DIPK1A: variants seen among roughly 807,000 people sequenced by gnomAD.
DIPK1A encodes family with sequence similarity 69 member A.
Under a neutral mutation model 40.8 loss-of-function variants are expected in DIPK1A, and 27 were observed. The ratio of observed to expected loss-of-function variants is 0.66; its 90% CI spans 0.49 to 0.91. The LOEUF (loss-of-function observed/expected upper bound fraction) is 0.91, where lower values mean the gene tolerates loss of function less well. Among genes scored for constraint, DIPK1A ranks in the 40% least tolerant of loss-of-function variants. The pLI is 0.00. For synonymous variants in DIPK1A, 166 were observed against 171.3 expected, an observed-to-expected ratio of 0.97 and a Z score of 0.24; for missense variants, 412 against 505.7, an observed-to-expected ratio of 0.81 and a Z score of 1.78.
At chr1:92,882,120 G>A (rs1415122774) in intron 1 of DIPK1A, among the ~76,000 whole-genome samples, 1 of 152,228 alleles carries the variant, frequency 6.6e-6, no homozygotes, top group Non-Finnish European at 1.5e-5. Flanking sequence ...AGGTGTGGTG[G>A]CTCATGCCTG....
intron 2 of DIPK1A, among the ~76,000 whole-genome samples, chr1:92,854,216 T>G (rs1687913891): frequency 6.6e-6 from 1 of 152,198 alleles, no homozygotes; most frequent in Admixed American, 6.5e-5. Context: ...TACCTGATAG[T>G]AGGTGCTTCT....
chr1:92,867,742 G>C (rs1647623153), intron 2 of DIPK1A, among the ~76,000 whole-genome samples: 1 of 152,150 alleles, frequency 6.6e-6, no homozygotes, highest in Non-Finnish European at 1.5e-5. Context: ...CAGACCTCAA[G>C]TGATCTGCCC....
intron 2 of DIPK1A, among the ~76,000 whole-genome samples, chr1:92,861,505 C>T (rs753615202): frequency 6.6e-6 from 1 of 151,378 alleles, no homozygotes; most frequent in Non-Finnish European, 1.5e-5. Context: ...TTTTGTATTT[C>T]TAGTAGAGAC....
chr1:92,960,414 C>T (rs185877826), intron 1 of DIPK1A, among the ~76,000 whole-genome samples: 16 of 152,300 alleles, frequency 1.1e-4, no homozygotes, highest in African/African-American at 3.9e-4. Context: ...TAAAGGAATA[C>T]TGTCCTCTGA....
At chr1:92,911,844 T>C (rs1200909710) in intron 1 of DIPK1A, among the ~76,000 whole-genome samples, 2 of 151,180 alleles carry the variant, frequency 1.3e-5, no homozygotes, top group Admixed American at 6.6e-5. Context: ...CTACTAAAAA[T>C]ACACAAAAAA....
chr1:92,944,173 T>C (rs1481614988), intron 1 of DIPK1A, among the ~76,000 whole-genome samples: 1 of 151,660 alleles, frequency 6.6e-6, no homozygotes, highest in Non-Finnish European at 1.5e-5. Flanking sequence ...ACAATGAAAG[T>C]ACATGAATAA....
intron 2 of DIPK1A, among the ~76,000 whole-genome samples, chr1:92,851,567 TG>T (rs1248891141): frequency 9.4e-5 from 4 of 42,398 alleles, no homozygotes; most frequent in African/African-American, 2.6e-4. Flanking sequence ...AAAAAACTTC[TG>T]GTTTTAAAAT....
intron 2 of DIPK1A, among the ~76,000 whole-genome samples, chr1:92,863,913 C>T (rs1420158448): frequency 4.0e-5 from 6 of 151,878 alleles, no homozygotes; most frequent in East Asian, 1.9e-4. Flanking sequence ...AAAAATTAGC[C>T]GGGTGTGGTG....
intron 2 of DIPK1A, among the ~76,000 whole-genome samples, chr1:92,864,083 A>C (rs947043317): frequency 6.6e-6 from 1 of 152,146 alleles, no homozygotes; most frequent in Non-Finnish European, 1.5e-5. Flanking sequence ...AAAACAAAAA[A>C]ACAACAAAAA....
At chr1:92,860,084 T>TA (rs760492433) in intron 2 of DIPK1A, among the ~76,000 whole-genome samples, 3 of 152,178 alleles carry the variant, frequency 2.0e-5, no homozygotes, top group Non-Finnish European at 4.4e-5. Flanking sequence ...GTATCTAAGA[T>TA]ATGTGTTGTG....
In DIPK1A at chr1:92,912,383, C is replaced by T. The variant is rs1207536832; in HGVS notation, c.55-35953G>A. Among the ~76,000 whole-genome samples, 3 of 152,032 alleles carry T rather than the reference C, an allele frequency of 2.0e-5. No individual in the cohort carries two copies. The East Asian group carries it at 5.8e-4, about 29-fold the overall frequency. On this transcript the variant is annotated intron_variant, in intron 1 of 4. Transcript: ENST00000370310. ...ATTCATAACTTACAAATATTATATT[C>T]ATAACTTACAAATAACATATATATA... is the stretch of plus-strand genomic sequence containing the variant.
intron 4 of DIPK1A, chr1:92,833,312 T>C (rs1686985964): frequency 2.5e-6 from 3 of 1,205,090 alleles, no homozygotes; most frequent in Non-Finnish European, 3.7e-6. Context: ...AGTGTTACTT[T>C]GTTACATGGT....
At chr1:92,912,933 T>A (rs1442843403) in intron 1 of DIPK1A, among the ~76,000 whole-genome samples, 1 of 150,012 alleles carries the variant, frequency 6.7e-6, no homozygotes, top group Non-Finnish European at 1.5e-5. Context: ...AGACCCTGTC[T>A]CTATGAAATA....
rs750651869 is a variant in DIPK1A at position 92,836,200 on chromosome 1, G to A, written c.475-3166C>T. ...TGGTTTCTTGAATAGCTTCTCAATA[G>A]GTTTGGCATGGACAAGATCTATGAA... On this transcript the variant is annotated intron_variant, in intron 4 of 4. Coordinates refer to the DIPK1A transcript ENST00000615519. The A allele has an allele frequency of 1.9e-6, 3 of 1,612,358 alleles. No homozygotes were observed. Among genetic ancestry groups the A allele is most frequent in the Non-Finnish European group, 2.5e-6 (3 of 1,179,816 alleles).
At chr1:92,961,322 AG>A in intron 1 of DIPK1A, 53 bp downstream of exon 1, 1 of 1,352,136 alleles carries the variant, frequency 7.4e-7, no homozygotes, top group Non-Finnish European at 1.0e-6. Context: ...GCGGCGCGGC[AG>A]GGCACACGGC....
downstream of DIPK1A, among the ~76,000 whole-genome samples, chr1:92,839,099 C>T (rs1219283025): frequency 6.6e-6 from 1 of 150,704 alleles, no homozygotes; most frequent in African/African-American, 2.4e-5. Context: ...GTGGCTCACG[C>T]CTGTAATCCC....
intron 1 of DIPK1A, among the ~76,000 whole-genome samples, chr1:92,941,989 CAA>C (rs796153358): frequency 1.0e-4 from 9 of 88,150 alleles, no homozygotes; most frequent in African/African-American, 1.6e-4. Flanking sequence ...GACTCTGTCT[CAA>C]AAAAAAAAAA....
chr1:92,953,842 A>G (rs761229797), intron 1 of DIPK1A, among the ~76,000 whole-genome samples: 1 of 152,230 alleles, frequency 6.6e-6, no homozygotes, highest in African/African-American at 2.4e-5. Flanking sequence ...AGTGCATAAA[A>G]TAGTTAATAC....
intron 1 of DIPK1A, among the ~76,000 whole-genome samples, 189 bp from the exon 2 acceptor site, chr1:92,876,619 G>C (rs1045355584): frequency 6.6e-6 from 1 of 152,074 alleles, no homozygotes; most frequent in Non-Finnish European, 1.5e-5. Context: ...GAAGCTCCTT[G>C]GTCCTGCCAA....
Sources: gnomAD v4.1 joint callset for allele counts (sites outside exome capture counted in the v4.1 genomes callset) on GRCh38, gnomAD v4.1.1 for gene constraint, MANE v1.5 for transcripts, NCBI Gene and HGNC (gene_info 2026-07-23, HGNC 2026-07-21) for gene names.